MAP2: variants seen among roughly 807,000 people sequenced by gnomAD.
MAP2 encodes microtubule associated protein 2, also known as microtubule-associated protein 2.
In MAP2, 14 loss-of-function variants were observed where a neutral mutation model predicts 137.6. The ratio of observed to expected loss-of-function variants is 0.10; its 90% CI spans 0.07 to 0.16. The LOEUF (loss-of-function observed/expected upper bound fraction) is 0.16. Among genes scored for constraint, MAP2 ranks in the 10% least tolerant of loss-of-function variants. MAP2 has a pLI of 1.00. For synonymous variants in MAP2, 786 were observed against 782.3 expected (o/e 1.00, Z -0.08); for missense variants, 2,088 against 2,191.5 (o/e 0.95, Z 0.94).
At chr2:209,724,355 A>G (rs1450940929) in intron 13 of MAP2, among the ~76,000 whole-genome samples, 1 of 152,146 alleles carries the variant, frequency 6.6e-6, no homozygotes, top group Non-Finnish European at 1.5e-5. Context: ...CAGAATTGAA[A>G]TGGTCAGACA....
intron 1 of MAP2, among the ~76,000 whole-genome samples, chr2:209,429,403 A>G (rs1291522471): frequency 6.6e-6 from 1 of 151,804 alleles, no homozygotes; most frequent in Non-Finnish European, 1.5e-5. Flanking sequence ...TTTAACAACT[A>G]GTAAAGTTAC....
intron 1 of MAP2, among the ~76,000 whole-genome samples, chr2:209,448,681 T>G (rs1191574503): frequency 1.3e-5 from 2 of 152,156 alleles, no homozygotes; most frequent in Non-Finnish European, 2.9e-5. Flanking sequence ...CACTCCAATC[T>G]TTGCCTCCTT....
At chr2:209,660,011 C>G (rs946126908) in intron 5 of MAP2, among the ~76,000 whole-genome samples, 1 of 152,024 alleles carries the variant, frequency 6.6e-6, no homozygotes, top group Non-Finnish European at 1.5e-5. Flanking sequence ...GCACTCCAGC[C>G]TGGGCGACAG....
At chr2:209,572,102 C>T (rs1057210438) in intron 2 of MAP2, among the ~76,000 whole-genome samples, 1 of 151,790 alleles carries the variant, frequency 6.6e-6, no homozygotes, top group African/African-American at 2.4e-5. Flanking sequence ...TTAAAAAAAT[C>T]ATCATACTAA....
At chr2:209,477,469 G>A (rs768104971) in intron 1 of MAP2, among the ~76,000 whole-genome samples, 5 of 151,912 alleles carry the variant, frequency 3.3e-5, no homozygotes, top group African/African-American at 1.2e-4. Context: ...TTAGCCACAT[G>A]TGTGAAAGGT....
At chr2:209,704,653 GAAAT>G (rs2062842933) in intron 11 of MAP2, 4 of 1,535,664 alleles carry the variant, frequency 2.6e-6, no homozygotes, top group Admixed American at 2.1e-5. Context: ...GGTGCAGAAA[GAAAT>G]AGAATTTGGG....
chr2:209,487,729 C>G (rs538645533), intron 1 of MAP2, among the ~76,000 whole-genome samples: 45 of 152,354 alleles, frequency 3.0e-4, no homozygotes, highest in Non-Finnish European at 4.4e-4. Flanking sequence ...TCACTCAACT[C>G]TCTTACTTCA....
At chr2:209,435,989 A>C (rs1482749971) in intron 1 of MAP2, among the ~76,000 whole-genome samples, 1 of 88,920 alleles carries the variant, frequency 1.1e-5, no homozygotes, top group African/African-American at 8.2e-5. Context: ...TACAGTATAT[A>C]TTATATACTA....
intron 3 of MAP2, among the ~76,000 whole-genome samples, chr2:209,602,828 T>G (rs1481295839): frequency 6.6e-6 from 1 of 152,174 alleles, no homozygotes; most frequent in Non-Finnish European, 1.5e-5. Context: ...ATATTACACA[T>G]TATAATTCTC....
intron 2 of MAP2, among the ~76,000 whole-genome samples, chr2:209,550,262 C>T (rs79187572): frequency 0.021 from 3,186 of 152,042 alleles, 103 homozygotes; most frequent in African/African-American, 0.071. Flanking sequence ...AACATTGAAG[C>T]GGTTCACAAC....
At chr2:209,728,043 A>G (rs73074726) in intron 14 of MAP2, among the ~76,000 whole-genome samples, 10,275 of 152,164 alleles carry the variant, frequency 0.068, 641 homozygotes, top group African/African-American at 0.16. Flanking sequence ...CTGAGGAGGG[A>G]GGATCACCTG....
intron 1 of MAP2, among the ~76,000 whole-genome samples, chr2:209,503,560 A>T (rs2060655571): frequency 6.6e-6 from 1 of 151,994 alleles, no homozygotes; most frequent in South Asian, 2.1e-4. Flanking sequence ...TTAAGTTTTC[A>T]TTCCATTTTG....
chr2:209,509,776 T>C (rs2061506999), intron 2 of MAP2, among the ~76,000 whole-genome samples: 1 of 151,872 alleles, frequency 6.6e-6, no homozygotes, highest in South Asian at 2.1e-4. Context: ...TGTTGCCAGA[T>C]AAAAGAAAGC....
Position 209,513,673 on chromosome 2 carries a change from T to C in MAP2, c.-172+6032T>C, listed in dbSNP as rs902616220. On this transcript the variant is annotated intron_variant, in intron 2 of 15. Coordinates refer to ENST00000682079, the MANE Select transcript of MAP2 (RefSeq NM_001375505.1). ...ACACCACAGATCCAATACTTGTTCT[T>C]TAAGATTCTTCCAGTGGGTAGTATT... is the stretch of plus-strand genomic sequence containing the variant. Among the ~76,000 whole-genome samples the C allele has an allele frequency of 3.3e-5, 5 of 152,266 alleles. No homozygotes were observed. In the East Asian group the frequency reaches 9.7e-4, roughly 29 times the overall value.
Position 209,715,411 on chromosome 2 carries a change from C to CTA in MAP2, c.5073+5159_5073+5160dup, listed in dbSNP as rs1044123303. 3.9e-4 allele frequency among the ~76,000 whole-genome samples: 60 copies of CTA among 152,044 alleles called. 1 individual carries two copies. The highest frequency in any genetic ancestry group is 1.4e-3 in the African/African-American group (58 of 41,492). On this transcript the variant is annotated intron_variant, in intron 13 of 15. Coordinates refer to ENST00000682079, the MANE Select transcript of MAP2 (RefSeq NM_001375505.1). Reference sequence around the variant, plus strand: ...TTTATTGAGCACCTACTACACCATGCTATGTTCTACATACTGAAATATAAC... The same window carrying CTA: ...TTTATTGAGCACCTACTACACCATGCTATATGTTCTACATACTGAAATATAAC...
chr2:209,611,913 T>C (rs998274255), intron 3 of MAP2, among the ~76,000 whole-genome samples: 10 of 151,992 alleles, frequency 6.6e-5, no homozygotes, highest in African/African-American at 1.9e-4. Flanking sequence ...AAACAAAATA[T>C]TACAGTAAAG....
intron 3 of MAP2, among the ~76,000 whole-genome samples, chr2:209,581,166 G>T (rs1260499779): frequency 6.6e-6 from 1 of 152,118 alleles, no homozygotes; most frequent in East Asian, 1.9e-4. Flanking sequence ...ATTGTCCTTT[G>T]TTAATATCTG....
At chr2:209,687,909 GC>G (rs1185641464) in intron 7 of MAP2, among the ~76,000 whole-genome samples, 1 of 152,142 alleles carries the variant, frequency 6.6e-6, no homozygotes, top group African/African-American at 2.4e-5. Flanking sequence ...CCTCTAGTGT[GC>G]TCCCCAGTGT....
chr2:209,599,340 G>T (rs1357077336), intron 3 of MAP2, among the ~76,000 whole-genome samples: 1 of 151,944 alleles, frequency 6.6e-6, no homozygotes, highest in East Asian at 1.9e-4. Flanking sequence ...TGTAGATTCT[G>T]GATATTAGCC....
Sources: gnomAD v4.1 joint callset for allele counts (sites outside exome capture counted in the v4.1 genomes callset) on GRCh38, gnomAD v4.1.1 for gene constraint, MANE v1.5 for transcripts, NCBI Gene and HGNC (gene_info 2026-07-23, HGNC 2026-07-21) for gene names.